The following ALDH1A2 variants were observed in gnomAD, a reference collection of about 807,000 sequenced individuals.
ALDH1A2 encodes aldehyde dehydrogenase 1 family member A2, also known as retinal dehydrogenase 2.
Under a neutral mutation model 60.3 loss-of-function variants are expected in ALDH1A2, and 27 were observed. That is an observed-to-expected ratio of 0.45 (90% CI 0.33 to 0.62). The LOEUF (loss-of-function observed/expected upper bound fraction) is 0.62. ALDH1A2 is among the 20% of genes least tolerant of loss of function. The pLI is 0.02. For synonymous variants in ALDH1A2, 289 were observed against 232.4 expected, an observed-to-expected ratio of 1.24 and a Z score of -2.21; for missense variants, 581 against 643.8, an observed-to-expected ratio of 0.90 and a Z score of 1.06.
intron 7 of ALDH1A2, among the ~76,000 whole-genome samples, chr15:57,976,589 T>G (rs1290601768): frequency 6.6e-6 from 1 of 152,236 alleles, no homozygotes; most frequent in Non-Finnish European, 1.5e-5. Flanking sequence ...GTAAAGGACA[T>G]GAACTCATCC....
rs553632018 is a variant in ALDH1A2, at chr15:57,985,503, T to C, written c.798+7202A>G. Among the ~76,000 whole-genome samples, 36 of 152,324 alleles carry C rather than the reference T, an allele frequency of 2.4e-4. 1 individual carries two copies. The East Asian group carries it at 4.6e-3, about 20-fold the overall frequency. On this transcript the variant is annotated intron_variant, in intron 7 of 12. Transcript: ENST00000249750. Reference sequence around the variant, plus strand: ...TATGTATGCTATTATTAAACCAATTTTGTACAAAACCAAGTGGCTGGTCCA... The same window carrying C: ...TATGTATGCTATTATTAAACCAATTCTGTACAAAACCAAGTGGCTGGTCCA...
Position 58,056,875 on chromosome 15 carries a change from T to C in ALDH1A2, c.117+8659A>G, listed in dbSNP as rs1013901676. Among the ~76,000 whole-genome samples, 6 of 152,054 alleles carry C rather than the reference T, an allele frequency of 3.9e-5. No individual in the cohort carries two copies. In the East Asian group the frequency reaches 9.6e-4, roughly 24 times the overall value. On this transcript the variant is annotated intron_variant, in intron 1 of 12. Transcript: ENST00000249750. The stretch of plus-strand genomic sequence containing the variant: ...CCAGGTTAGCAAAATTTAATAAGTA[T>C]GAGAATCTGAAGTATAGGTGAAAAT...
chr15:58,065,372 G>A, intron 1 of ALDH1A2, 162 bp downstream of exon 1: 1 of 740,788 alleles, frequency 1.3e-6, no homozygotes. Flanking sequence ...AAACGCCCCA[G>A]TCCCGAAGAC....
At chr15:58,057,754 C>A (rs956105893) in intron 1 of ALDH1A2, among the ~76,000 whole-genome samples, 1 of 152,038 alleles carries the variant, frequency 6.6e-6, no homozygotes, top group East Asian at 1.9e-4. Context: ...AATCCTCTAC[C>A]GCCTCTTCAG....
intron 1 of ALDH1A2, among the ~76,000 whole-genome samples, chr15:58,039,710 A>T (rs1181491669): frequency 6.6e-6 from 1 of 151,838 alleles, no homozygotes; most frequent in Non-Finnish European, 1.5e-5. Flanking sequence ...TCTTCTAAAA[A>T]GGTGAGTTAG....
chr15:58,035,747 C>G (rs1441251155), intron 1 of ALDH1A2, among the ~76,000 whole-genome samples: 3 of 151,582 alleles, frequency 2.0e-5, no homozygotes, highest in Admixed American at 6.6e-5. Context: ...TAGTTTAATT[C>G]CACTGTAATC....
At chr15:58,020,481 CTTATA>C (rs1270260152) in intron 1 of ALDH1A2, among the ~76,000 whole-genome samples, 1 of 152,082 alleles carries the variant, frequency 6.6e-6, no homozygotes, top group African/African-American at 2.4e-5. Context: ...ACAAAATTTT[CTTATA>C]TTTAATAGAT....
chr15:58,058,213 G>A (rs1390984454), intron 1 of ALDH1A2: 2 of 686,778 alleles, frequency 2.9e-6, no homozygotes, highest in African/African-American at 1.8e-5. Context: ...ACCTGAAATC[G>A]TGCCACTATC....
chr15:58,062,259 A>G (rs1200102029), intron 1 of ALDH1A2, among the ~76,000 whole-genome samples: 4 of 152,122 alleles, frequency 2.6e-5, no homozygotes, highest in African/African-American at 4.8e-5. Context: ...ATGGGCATAA[A>G]CTCTCACTGA....
At chr15:57,955,338 T>G (rs1893483962) in intron 12 of ALDH1A2, 69 bp from the exon 13 acceptor site, 2 of 1,536,492 alleles carry the variant, frequency 1.3e-6, no homozygotes, top group African/African-American at 2.7e-5. Flanking sequence ...GCAGCGGGAG[T>G]CCTGGGGAGG....
intron 1 of ALDH1A2, among the ~76,000 whole-genome samples, chr15:58,035,623 A>G (rs963087833): frequency 6.6e-6 from 1 of 151,688 alleles, no homozygotes; most frequent in Non-Finnish European, 1.5e-5. Context: ...ATTTTCATTT[A>G]GTTCAAAATA....
chr15:57,982,605 G>A (rs1261826465), intron 7 of ALDH1A2, among the ~76,000 whole-genome samples: 2 of 152,150 alleles, frequency 1.3e-5, no homozygotes, highest in African/African-American at 4.8e-5. Context: ...AACTTTATGG[G>A]TTGGTCTTTG....
chr15:58,013,543 G>C (rs2037769608), intron 3 of ALDH1A2, among the ~76,000 whole-genome samples: 1 of 151,976 alleles, frequency 6.6e-6, no homozygotes, highest in Non-Finnish European at 1.5e-5. Context: ...TATCCTTTTA[G>C]GAGCTCAAGA....
chr15:57,996,232 TCA>T (rs1260168293), intron 4 of ALDH1A2, among the ~76,000 whole-genome samples: 3 of 152,080 alleles, frequency 2.0e-5, no homozygotes, highest in Non-Finnish European at 4.4e-5. Flanking sequence ...ATCACATTTA[TCA>T]CACAAAATTG....
At chr15:58,005,021 A>T (rs538555659) in intron 4 of ALDH1A2, among the ~76,000 whole-genome samples, 1 of 151,892 alleles carries the variant, frequency 6.6e-6, no homozygotes, top group East Asian at 1.9e-4. Flanking sequence ...TCACCTATTT[A>T]ATTTGGTGAC....
intron 1 of ALDH1A2, among the ~76,000 whole-genome samples, chr15:58,033,862 C>T (rs1272292910): frequency 9.0e-6 from 1 of 111,576 alleles, no homozygotes; most frequent in East Asian, 2.3e-4. Context: ...TTTTTTTTTG[C>T]CAGTACCATA....
rs935012045 is a variant in ALDH1A2, at chr15:58,042,233, C to A, written c.117+23301G>T. ...CTTAGTCATCTTTCAAAACTGAGTT[C>A]ATATACGACCTCTTGATAAAGCCTT... is the stretch of plus-strand genomic sequence containing the variant. On this transcript the variant is annotated intron_variant, in intron 1 of 12. Coordinates refer to ENST00000249750, the MANE Select transcript of ALDH1A2 (RefSeq NM_003888.4). 1.3e-5 allele frequency among the ~76,000 whole-genome samples: 2 copies of A among 151,916 alleles called. 1 individual carries two copies. The highest frequency in any genetic ancestry group is 4.1e-4 in the South Asian group (2 of 4,832).
intron 1 of ALDH1A2, among the ~76,000 whole-genome samples, chr15:58,051,140 T>A (rs1288929030): frequency 6.6e-6 from 1 of 152,136 alleles, no homozygotes; most frequent in Non-Finnish European, 1.5e-5. Context: ...TAGCAAATAA[T>A]CGTATTTAAA....
chr15:58,050,127 C>T (rs1358392920), intron 1 of ALDH1A2, among the ~76,000 whole-genome samples: 2 of 151,864 alleles, frequency 1.3e-5, no homozygotes, highest in African/African-American at 4.8e-5. Flanking sequence ...TGGAGCAATT[C>T]ATTTAGGAGA....
Sources: gnomAD v4.1 joint callset for allele counts (sites outside exome capture counted in the v4.1 genomes callset) on GRCh38, gnomAD v4.1.1 for gene constraint, MANE v1.5 for transcripts, NCBI Gene and HGNC (gene_info 2026-07-23, HGNC 2026-07-21) for gene names.